Variants in MRPL42 observed in about 807,000 individuals in gnomAD.
MRPL42 encodes large ribosomal subunit protein mL42.
In MRPL42, 17 loss-of-function variants were observed where a neutral mutation model predicts 17.9. The ratio of observed to expected loss-of-function variants is 0.95; its 90% CI spans 0.65 to 1.42. The LOEUF (loss-of-function observed/expected upper bound fraction) is 1.42, where lower values mean the gene tolerates loss of function less well. Among genes scored for constraint, MRPL42 ranks in the 40% most tolerant of loss-of-function variants. MRPL42 has a pLI of 0.00. For missense variants in MRPL42, 177 were observed against 175.2 expected (o/e 1.01, Z -0.06); for synonymous variants, 59 against 54.4 (o/e 1.08, Z -0.37).
intron 4 of MRPL42, among the ~76,000 whole-genome samples, chr12:93,484,905 A>G (rs1880629008): frequency 6.9e-6 from 1 of 145,230 alleles, no homozygotes; most frequent in South Asian, 2.3e-4. Context: ...GCCTCAAAAC[A>G]TTCTTATGCA....
At chr12:93,488,036 T>G in intron 5 of MRPL42, 1 of 274,776 alleles carries the variant, frequency 3.6e-6, no homozygotes, top group Non-Finnish European at 6.7e-6. Flanking sequence ...AGTGGCGAGA[T>G]CTCGTTTCAC....
chr12:93,489,372 T>C (rs1319640988), intron 5 of MRPL42, among the ~76,000 whole-genome samples: 1 of 152,162 alleles, frequency 6.6e-6, no homozygotes, highest in Non-Finnish European at 1.5e-5. Context: ...TCATTTCCTG[T>C]CTTAAGAAGC....
In MRPL42 at chr12:93,509,021, C is replaced by A. The variant is rs1953699300; in HGVS notation, c.*7800C>A. The A allele has an allele frequency of 6.6e-6, 1 of 151,998 alleles. No homozygotes were observed. Among genetic ancestry groups the A allele is most frequent in the Non-Finnish European group, 1.5e-5 (1 of 68,052 alleles). The allele number at this position is 151,998 out of a possible 1,614,324, so 9.4% of individuals were successfully genotyped here. ...TAGCTAACATGGTGAAACCCCGTCT[C>A]TACTAAAAATGCAAAAATTAGCTGG... On this transcript the variant is annotated 3_prime_UTR_variant, in exon 6 of 6. Coordinates refer to ENST00000549982, the MANE Select transcript of MRPL42 (RefSeq NM_014050.4).
chr12:93,501,408 T>C lies in MRPL42; in HGVS notation c.*187T>C. 1 of 403,106 alleles carries C rather than the reference T, an allele frequency of 2.5e-6. No homozygotes were observed. The highest frequency in any genetic ancestry group is 4.3e-6 in the Non-Finnish European group (1 of 235,260). The allele number at this position is 403,106 out of a possible 1,614,324, so 25.0% of individuals were successfully genotyped here. On this transcript the variant is annotated 3_prime_UTR_variant, in exon 6 of 6. Transcript: ENST00000549982. ...TTCTCATTTAGAGAAACCTATTTTC[T>C]TTTTTCTTTTTCTATTTTAGTGTTT...
intron 5 of MRPL42, among the ~76,000 whole-genome samples, chr12:93,497,689 C>A (rs1278953750): frequency 7.9e-5 from 12 of 151,450 alleles, no homozygotes; most frequent in African/African-American, 2.9e-4. Context: ...TGCCCACTCA[C>A]ACTACTCCTA....
chr12:93,474,859 GGCGGGCT>G (rs1241206440), intron 2 of MRPL42, among the ~76,000 whole-genome samples: 11 of 109,650 alleles, frequency 1.0e-4, no homozygotes, highest in Admixed American at 1.8e-4. Flanking sequence ...GGGAGGCCAA[GGCGGGCT>G]GGGCTGATCA....
intron 4 of MRPL42, among the ~76,000 whole-genome samples, chr12:93,481,978 C>T (rs1880488339): frequency 6.6e-6 from 1 of 152,170 alleles, no homozygotes; most frequent in Non-Finnish European, 1.5e-5. Flanking sequence ...CCCCTGCATC[C>T]TCTTTCTTTG....
chr12:93,500,617 C>T (rs759263988), intron 5 of MRPL42: 2 of 152,096 alleles, frequency 1.3e-5, no homozygotes, highest in Non-Finnish European at 2.9e-5. Flanking sequence ...TAACAGAACA[C>T]GTTCATGTTC....
chr12:93,470,548 C>G (rs2121158962), intron 2 of MRPL42: 1 of 1,290,012 alleles, frequency 7.8e-7, no homozygotes, highest in Non-Finnish European at 1.0e-6. Flanking sequence ...GTTTGGGCTT[C>G]AACTGAACCC....
At chr12:93,473,984 CCTTAAGGAA>C (rs1290922778) in intron 2 of MRPL42, among the ~76,000 whole-genome samples, 1 of 151,440 alleles carries the variant, frequency 6.6e-6, no homozygotes, top group Non-Finnish European at 1.5e-5. Flanking sequence ...CAGTTCCTGG[CCTTAAGGAA>C]CTTATTTAGA....
In MRPL42 at chr12:93,508,938, A is replaced by C. The variant is rs1439627576; in HGVS notation, c.*7717A>C. On this transcript the variant is annotated 3_prime_UTR_variant, in exon 6 of 6. Coordinates refer to ENST00000549982, the MANE Select transcript of MRPL42 (RefSeq NM_014050.4). ...CGTGGTAGTTCACACCTGTAATCCC[A>C]GCACTTTAGGAGGCGGAGGTGGGCG... The C allele has an allele frequency of 6.6e-6, 1 of 152,232 alleles. No individual in the cohort carries two copies. Among genetic ancestry groups the C allele is most frequent in the Non-Finnish European group, 1.5e-5 (1 of 68,084 alleles). 9.4% of individuals were successfully genotyped at this position (152,232 alleles called of 1,614,324 possible).
intron 2 of MRPL42, among the ~76,000 whole-genome samples, chr12:93,476,600 T>C (rs1386651355): frequency 6.6e-6 from 1 of 152,230 alleles, no homozygotes; most frequent in Non-Finnish European, 1.5e-5. Flanking sequence ...CAATCCTTAC[T>C]TATTTTCTCA....
intron 4 of MRPL42, among the ~76,000 whole-genome samples, chr12:93,481,144 A>G (rs894255591): frequency 1.1e-4 from 17 of 152,140 alleles, no homozygotes; most frequent in Admixed American, 1.1e-3. Flanking sequence ...ATGGCTCTTT[A>G]TATCTCTGAA....
intron 5 of MRPL42, among the ~76,000 whole-genome samples, chr12:93,490,703 C>T (rs1592782062): frequency 6.6e-6 from 1 of 152,158 alleles, no homozygotes; most frequent in South Asian, 2.1e-4. Flanking sequence ...AGCTTGTTTT[C>T]CCTAGTCAGA....
At chr12:93,468,493 G>A (rs1592762128) in intron 1 of MRPL42, among the ~76,000 whole-genome samples, 1 of 152,262 alleles carries the variant, frequency 6.6e-6, no homozygotes, top group African/African-American at 2.4e-5. Context: ...TGACTCTAAA[G>A]TCCTTGGAAG....
At chr12:93,501,080 AT>A in intron 5 of MRPL42, 95 bp from the exon 6 acceptor site, 1 of 929,948 alleles carries the variant, frequency 1.1e-6, no homozygotes. Context: ...TTTTAAAAAA[AT>A]AGTTCCAATA....
At chr12:93,485,028 A>G (rs1592776666) in intron 4 of MRPL42, among the ~76,000 whole-genome samples, 1 of 130,840 alleles carries the variant, frequency 7.6e-6, no homozygotes, top group South Asian at 2.6e-4. Context: ...ATATATATAT[A>G]AACAGAGATG....
At chr12:93,485,011 T>TAC (rs1293055823) in intron 4 of MRPL42, among the ~76,000 whole-genome samples, 7 of 63,516 alleles carry the variant, frequency 1.1e-4, no homozygotes, top group African/African-American at 2.9e-4. Context: ...TATATATATA[T>TAC]ATATATATAT....
At chr12:93,485,440 G>T (rs138809215) in intron 4 of MRPL42, among the ~76,000 whole-genome samples, 2 of 151,776 alleles carry the variant, frequency 1.3e-5, no homozygotes, top group African/African-American at 4.8e-5. Context: ...ACCGCACCTG[G>T]CCACATTGCC....
Sources: allele counts gnomAD v4.1 joint callset (sites outside exome capture counted in the v4.1 genomes callset), GRCh38; gene constraint gnomAD v4.1.1; transcripts MANE v1.5; gene names NCBI Gene and HGNC (gene_info 2026-07-23, HGNC 2026-07-21).